The following SPATA16 variants were observed in gnomAD, a reference collection of about 807,000 sequenced individuals.
SPATA16 encodes the protein spermatogenesis-associated protein 16.
SPATA16 carries 36 observed loss-of-function variants against 63.3 expected under a neutral mutation model. The observed-to-expected ratio is 0.57, with a 90% confidence interval of 0.44 to 0.75. The LOEUF (loss-of-function observed/expected upper bound fraction) is 0.75. SPATA16 is among the 30% of genes least tolerant of loss of function. SPATA16 has a pLI of 0.00. For synonymous variants in SPATA16, 203 were observed against 216.7 expected, an observed-to-expected ratio of 0.94 and a Z score of 0.56; for missense variants, 646 against 679.3, an observed-to-expected ratio of 0.95 and a Z score of 0.54.
Position 172,929,824 on chromosome 3 carries a change from AG to A in SPATA16, c.1082-4333del, listed in dbSNP as rs576960129. ...ATTGCTATTTGCTCATCACTCCAAAAGTTAGTTAAAATAGAGCAAATATGTT... is the reference window on the plus strand; with the variant it reads ...ATTGCTATTTGCTCATCACTCCAAAATTAGTTAAAATAGAGCAAATATGTT... On this transcript the variant is annotated intron_variant, in intron 6 of 10. Transcript: ENST00000351008. 1.7e-4 allele frequency among the ~76,000 whole-genome samples: 26 copies of A among 152,316 alleles called. No homozygotes were observed. The South Asian group carries it at 5.2e-3, about 30-fold the overall frequency.
At chr3:172,989,318 A>G (rs1577120681) in intron 4 of SPATA16, among the ~76,000 whole-genome samples, 5 of 152,292 alleles carry the variant, frequency 3.3e-5, no homozygotes, top group South Asian at 4.1e-4. Flanking sequence ...CTTTCCATCA[A>G]TGACTTAAAG....
chr3:173,009,669 C>T (rs1017127141), intron 4 of SPATA16, among the ~76,000 whole-genome samples: 5 of 152,204 alleles, frequency 3.3e-5, no homozygotes, highest in African/African-American at 1.2e-4. Context: ...TGCTGCTGCT[C>T]GCCAGGCAAG....
intron 3 of SPATA16, among the ~76,000 whole-genome samples, chr3:173,027,834 A>G (rs971455530): frequency 2.6e-5 from 4 of 151,830 alleles, no homozygotes; most frequent in Non-Finnish European, 5.9e-5. Context: ...CCAGAGACAT[A>G]TGTTTTGCTT....
intron 5 of SPATA16, among the ~76,000 whole-genome samples, chr3:172,960,985 CTTTCTTT>C (rs1324617615): frequency 7.6e-6 from 1 of 130,948 alleles, no homozygotes; most frequent in Non-Finnish European, 1.6e-5. Flanking sequence ...TTCTCTTTCT[CTTTCTTT>C]TTTCTTTCTC....
chr3:172,964,234 T>C (rs1577109429), intron 5 of SPATA16, among the ~76,000 whole-genome samples: 1 of 152,326 alleles, frequency 6.6e-6, no homozygotes, highest in East Asian at 1.9e-4. Flanking sequence ...ATTAGATGAA[T>C]GGCTTTTTGA....
chr3:173,080,124 G>T (rs954192816), intron 2 of SPATA16, among the ~76,000 whole-genome samples: 7 of 152,250 alleles, frequency 4.6e-5, no homozygotes, highest in African/African-American at 1.4e-4. Context: ...GGTGTTTAGT[G>T]AGAATTGATT....
chr3:172,912,188 A>T (rs914639006), intron 10 of SPATA16, among the ~76,000 whole-genome samples: 3 of 152,128 alleles, frequency 2.0e-5, no homozygotes, highest in Admixed American at 2.0e-4. Flanking sequence ...ACATTCTTTA[A>T]ATGCTGTATA....
At chr3:173,129,190 T>C (rs374665413) in intron 1 of SPATA16, among the ~76,000 whole-genome samples, 1 of 152,228 alleles carries the variant, frequency 6.6e-6, no homozygotes, top group Admixed American at 6.5e-5. Flanking sequence ...TCACAGGAAC[T>C]CAGGAGCAAG....
At chr3:173,082,549 A>T (rs1736949463) in intron 2 of SPATA16, among the ~76,000 whole-genome samples, 1 of 152,170 alleles carries the variant, frequency 6.6e-6, no homozygotes, top group Non-Finnish European at 1.5e-5. Flanking sequence ...ACACACAAAA[A>T]ACAAAGTCAG....
intron 3 of SPATA16, among the ~76,000 whole-genome samples, chr3:173,021,195 C>T (rs755571660): frequency 5.3e-5 from 8 of 152,182 alleles, no homozygotes; most frequent in Non-Finnish European, 7.4e-5. Flanking sequence ...TAACTTAGCT[C>T]ACTTCAAACA....
At chr3:173,024,115 A>G (rs1735398734) in intron 3 of SPATA16, among the ~76,000 whole-genome samples, 1 of 151,390 alleles carries the variant, frequency 6.6e-6, no homozygotes, top group Non-Finnish European at 1.5e-5. Flanking sequence ...ATTTTTTTCT[A>G]TTATATTTTC....
chr3:173,007,073 G>C (rs1734960890), intron 4 of SPATA16, among the ~76,000 whole-genome samples: 1 of 152,090 alleles, frequency 6.6e-6, no homozygotes, highest in Non-Finnish European at 1.5e-5. Flanking sequence ...CAGAGAGCAG[G>C]TTTCAAATAT....
intron 5 of SPATA16, among the ~76,000 whole-genome samples, chr3:172,976,077 CCA>C (rs1433168807): frequency 2.0e-5 from 3 of 152,134 alleles, no homozygotes; most frequent in Non-Finnish European, 4.4e-5. Flanking sequence ...GGAAAAAGCT[CCA>C]CACAGTCTGG....
intron 1 of SPATA16, among the ~76,000 whole-genome samples, chr3:173,125,537 C>A (rs1167850609): frequency 6.6e-6 from 1 of 152,228 alleles, no homozygotes; most frequent in Non-Finnish European, 1.5e-5. Context: ...TCCTTCTGTT[C>A]TGCTAATTTG....
chr3:173,053,899 A>G (rs982529755), intron 2 of SPATA16, among the ~76,000 whole-genome samples: 4 of 152,128 alleles, frequency 2.6e-5, no homozygotes, highest in African/African-American at 9.7e-5. Context: ...AGTTATCCAT[A>G]ACCCTATCAC....
intron 2 of SPATA16, among the ~76,000 whole-genome samples, chr3:173,101,236 C>G (rs1255305899): frequency 6.6e-6 from 1 of 152,072 alleles, no homozygotes; most frequent in Non-Finnish European, 1.5e-5. Context: ...TACTTGCTGC[C>G]CCAAGCATGT....
intron 4 of SPATA16, among the ~76,000 whole-genome samples, chr3:172,989,452 A>G (rs1312536859): frequency 6.6e-6 from 1 of 152,192 alleles, no homozygotes; most frequent in Non-Finnish European, 1.5e-5. Context: ...TTTTCATCAG[A>G]GTAACAGAGA....
intron 1 of SPATA16, among the ~76,000 whole-genome samples, chr3:173,131,021 A>C (rs899667032): frequency 6.6e-6 from 1 of 152,200 alleles, no homozygotes; most frequent in Admixed American, 6.5e-5. Context: ...ATCATGTTTC[A>C]ATTACATTTA....
chr3:173,121,120 G>A (rs753508449), intron 1 of SPATA16, among the ~76,000 whole-genome samples: 4 of 151,732 alleles, frequency 2.6e-5, no homozygotes, highest in Admixed American at 6.6e-5. Flanking sequence ...TCTTAAATGT[G>A]CAGGCTGAAA....
Sources: gnomAD v4.1 joint callset for allele counts (sites outside exome capture counted in the v4.1 genomes callset) on GRCh38, gnomAD v4.1.1 for gene constraint, MANE v1.5 for transcripts, NCBI Gene and HGNC (gene_info 2026-07-23, HGNC 2026-07-21) for gene names.